The following DMD variants were observed in gnomAD, a reference collection of about 807,000 sequenced individuals.
DMD encodes the protein mutant dystrophin.
In DMD, 63 loss-of-function variants were observed where a neutral mutation model predicts 330.1. The ratio of observed to expected loss-of-function variants is 0.19; its 90% CI spans 0.16 to 0.24. The LOEUF is 0.24. Among genes scored for constraint, DMD ranks in the 10% least tolerant of loss-of-function variants. The pLI, the probability that DMD is intolerant of heterozygous loss-of-function variation, is 1.00. For missense variants in DMD, 3,344 were observed against 2,684.1 expected, an observed-to-expected ratio of 1.25 and a Z score of -5.43; for synonymous variants, 1,223 against 959.8, an observed-to-expected ratio of 1.27 and a Z score of -5.07.
chrX:32,491,417 A>G lies in DMD; in HGVS notation c.2482T>C (p.Tyr828His). ...LLSERLNWLE[Y>H]QNNIIAFYNQ... ...TAGAAAGCGATGATGTTGTTCTGAT[A>G]CTCCAGCCAGTTAAGTCTCTCACTT... The change falls in exon 20 of 79, where the codon TAT becomes CAT. Residue 828 changes from tyrosine to histidine, a missense_variant. Physicochemically the swap from Tyr to His is moderately conservative, Grantham distance 83. Transcript: ENST00000357033. 1 of 1,211,010 alleles carries G rather than the reference A, an allele frequency of 8.3e-7. No homozygotes were observed. The highest frequency in any genetic ancestry group is 1.1e-6 in the Non-Finnish European group (1 of 895,273).
intron 1 of DMD, among the ~76,000 whole-genome samples, chrX:33,180,519 T>A (rs903689648): frequency 1.8e-5 from 2 of 111,188 alleles, no homozygotes; most frequent in African/African-American, 6.6e-5. Flanking sequence ...CCATTTCATC[T>A]TCTTCTTCAC....
chrX:31,787,266 G>A (rs780994235), intron 50 of DMD, among the ~76,000 whole-genome samples: 1 of 111,424 alleles, frequency 9.0e-6, no homozygotes, highest in East Asian at 2.8e-4. Flanking sequence ...AGCTACTTGG[G>A]AGGCTGAGGC....
chrX:32,951,093 C>T (rs1370890179), intron 2 of DMD, among the ~76,000 whole-genome samples: 4 of 111,264 alleles, frequency 3.6e-5, no homozygotes, highest in Non-Finnish European at 5.7e-5. Context: ...ATTCCTTCTG[C>T]GATGAAGAAT....
intron 18 of DMD, among the ~76,000 whole-genome samples, chrX:32,504,907 AAAAATG>A (rs1382869489): frequency 8.9e-6 from 1 of 112,004 alleles, no homozygotes; most frequent in Non-Finnish European, 1.9e-5. Context: ...AAAATAAAAT[AAAAATG>A]AAAAATAAAC....
At chrX:32,574,226 A>C (rs1173724400) in intron 13 of DMD, among the ~76,000 whole-genome samples, 1 of 112,197 alleles carries the variant, frequency 8.9e-6, no homozygotes, top group Non-Finnish European at 1.9e-5. Context: ...AAGTCTAACT[A>C]CTAAATAGAA....
intron 60 of DMD, among the ~76,000 whole-genome samples, chrX:31,363,441 C>T (rs957237899): frequency 1.1e-5 from 1 of 90,860 alleles, no homozygotes; most frequent in African/African-American, 4.4e-5. Flanking sequence ...AGTGCAGTGG[C>T]GCCATCTCGG....
intron 64 of DMD, among the ~76,000 whole-genome samples, chrX:31,212,474 G>A (rs997708881): frequency 3.6e-5 from 4 of 110,050 alleles, no homozygotes; most frequent in African/African-American, 6.6e-5. Flanking sequence ...CGAGCAGGCA[G>A]GACTTCAACA....
intron 2 of DMD, among the ~76,000 whole-genome samples, chrX:32,879,931 G>T (rs540654725): frequency 9.0e-6 from 1 of 111,095 alleles, no homozygotes; most frequent in Middle Eastern, 4.6e-3. Flanking sequence ...TCTCCCATTT[G>T]AATAGACATT....
At chrX:31,651,528 T>C (rs1310606936) in intron 54 of DMD, among the ~76,000 whole-genome samples, 1 of 111,650 alleles carries the variant, frequency 9.0e-6, no homozygotes, top group Non-Finnish European at 1.9e-5. Context: ...GATTCATATA[T>C]CCAGCTATCT....
At chrX:32,781,548 A>G (rs1012088791) in intron 7 of DMD, among the ~76,000 whole-genome samples, 2 of 110,936 alleles carry the variant, frequency 1.8e-5, no homozygotes, top group Non-Finnish European at 3.8e-5. Context: ...TAGATTCTAA[A>G]TAAGTATTAT....
At chrX:33,102,476 G>A (rs1023679121) in intron 1 of DMD, among the ~76,000 whole-genome samples, 4 of 110,947 alleles carry the variant, frequency 3.6e-5, no homozygotes, top group Non-Finnish European at 7.5e-5. Flanking sequence ...TTTCTCATCA[G>A]ATAACCTCTC....
At position 31,617,594 on chromosome X, in the gene DMD, A is replaced by G. The variant is rs1210036869; in HGVS notation, c.8217+10079T>C. On this transcript the variant is annotated intron_variant, in intron 55 of 78. Transcript: ENST00000357033. The stretch of plus-strand genomic sequence containing the variant: ...AATACCAGATGCTGGTGAGGTTGTG[A>G]AGAAAGGGGAATGCTTATACCCTGT... Among the ~76,000 whole-genome samples, 3 of 108,640 alleles carry G rather than the reference A, an allele frequency of 2.8e-5. No individual in the cohort carries two copies. In the East Asian group the frequency reaches 8.6e-4, roughly 31 times the overall value. The allele number at this position is 108,640 out of a possible 115,157, so 94.3% of individuals were successfully genotyped here.
At chrX:32,599,650 T>C (rs968669810) in intron 12 of DMD, among the ~76,000 whole-genome samples, 2 of 111,757 alleles carry the variant, frequency 1.8e-5, no homozygotes, top group Admixed American at 1.9e-4. Context: ...CAGAAAATAA[T>C]ACCTTCAAAT....
intron 44 of DMD, among the ~76,000 whole-genome samples, chrX:32,189,655 T>C (rs1333325971): frequency 1.8e-5 from 2 of 110,086 alleles, no homozygotes; most frequent in African/African-American, 3.3e-5. Flanking sequence ...TATAACCACA[T>C]ATTATTTCCG....
At chrX:33,195,845 T>C (rs2050904694) in intron 1 of DMD, among the ~76,000 whole-genome samples, 1 of 110,084 alleles carries the variant, frequency 9.1e-6, no homozygotes, top group South Asian at 3.9e-4. Flanking sequence ...TATACAGTGA[T>C]GTAATGGCTA....
At chrX:33,127,544 A>C (rs934126862) in intron 1 of DMD, among the ~76,000 whole-genome samples, 3 of 111,065 alleles carry the variant, frequency 2.7e-5, no homozygotes, top group Non-Finnish European at 5.7e-5. Flanking sequence ...TACTATTCAC[A>C]AGGATCCTTG....
chrX:31,341,887 G>GCACACACACACACACACA (rs1569529198), intron 61 of DMD, among the ~76,000 whole-genome samples: 1 of 67,288 alleles, frequency 1.5e-5, no homozygotes, highest in Non-Finnish European at 3.0e-5. Flanking sequence ...GTGCGTGCGC[G>GCACACACACACACACACA]CGCGCACACA....
chrX:32,694,334 G>A (rs962374270), intron 9 of DMD, among the ~76,000 whole-genome samples: 11 of 111,404 alleles, frequency 9.9e-5, no homozygotes, highest in African/African-American at 3.6e-4. Flanking sequence ...TTCTTTACAT[G>A]CATTCATAGC....
intron 24 of DMD, 120 bp from the exon 25 acceptor site, chrX:32,463,714 T>A: frequency 3.1e-6 from 2 of 640,991 alleles, no homozygotes; most frequent in Non-Finnish European, 4.4e-6. Flanking sequence ...TTTTGTCTTT[T>A]AAAATCTGAG....
Sources: allele counts gnomAD v4.1 joint callset (sites outside exome capture counted in the v4.1 genomes callset), GRCh38; gene constraint gnomAD v4.1.1; transcripts MANE v1.5; gene names NCBI Gene and HGNC (gene_info 2026-07-23, HGNC 2026-07-21).